Variants in JAK1 observed in about 807,000 individuals in gnomAD.
JAK1 encodes tyrosine-protein kinase JAK1.
JAK1 carries 16 observed loss-of-function variants against 136.6 expected under a neutral mutation model. That is an observed-to-expected ratio of 0.12 (90% CI 0.08 to 0.18). The LOEUF is 0.18. Ranked by LOEUF, JAK1 falls within the 10% of genes least tolerant of loss-of-function variation. JAK1 has a pLI of 1.00. For synonymous variants in JAK1, 492 were observed against 519.5 expected, an observed-to-expected ratio of 0.95 and a Z score of 0.72; for missense variants, 859 against 1,450.1, an observed-to-expected ratio of 0.59 and a Z score of 6.62.
chr1:65,039,953 A>G (rs1398619893), intron 2 of JAK1, among the ~76,000 whole-genome samples: 2 of 152,062 alleles, frequency 1.3e-5, no homozygotes, highest in African/African-American at 4.8e-5. Context: ...AGTGGCTTAC[A>G]CCTGTAATCC....
intron 1 of JAK1, among the ~76,000 whole-genome samples, chr1:65,051,125 A>T (rs925356053): frequency 1.3e-5 from 2 of 152,254 alleles, no homozygotes; most frequent in East Asian, 3.9e-4. Context: ...AACAGTAGCA[A>T]ATTTTATGCT....
intron 2 of JAK1, among the ~76,000 whole-genome samples, chr1:65,013,424 C>T (rs1026088171): frequency 1.3e-5 from 2 of 151,276 alleles, no homozygotes; most frequent in Non-Finnish European, 2.9e-5. Context: ...AAACAAAAAC[C>T]GAAACAAAAA....
chr1:64,860,826 CTGTGTG>C (rs72032330), intron 8 of JAK1, among the ~76,000 whole-genome samples: 10 of 120,646 alleles, frequency 8.3e-5, no homozygotes, highest in Admixed American at 1.8e-4. Flanking sequence ...TCAGATGACT[CTGTGTG>C]TGTGTGTGTG....
At chr1:64,932,305 T>C (rs7514369) in intron 1 of JAK1, among the ~76,000 whole-genome samples, 106,388 of 152,000 alleles carry the variant, frequency 0.7, 40,561 homozygotes, top group Middle Eastern at 0.92. Context: ...CCCAGCTACT[T>C]GGGAGGCTGA....
intron 2 of JAK1, among the ~76,000 whole-genome samples, chr1:64,996,233 C>T (rs1646702717): frequency 6.6e-6 from 1 of 152,174 alleles, no homozygotes; most frequent in African/African-American, 2.4e-5. Context: ...GATATCTGCC[C>T]TTTTCCTTCT....
upstream of JAK1, among the ~76,000 whole-genome samples, chr1:64,968,031 G>T (rs1269273706): frequency 6.6e-6 from 1 of 152,154 alleles, no homozygotes; most frequent in East Asian, 1.9e-4. Flanking sequence ...CACATGGCAT[G>T]GGCTCAGGAA....
At chr1:64,944,547 T>A (rs72922252) in intron 1 of JAK1, among the ~76,000 whole-genome samples, 1,560 of 152,230 alleles carry the variant, frequency 0.01, 30 homozygotes, top group African/African-American at 0.036. Context: ...GGTTGTTGAC[T>A]AACAAGACAA....
In JAK1 at chr1:64,926,979, A is replaced by T. The variant is rs554756204; in HGVS notation, c.-78+39354T>A. ...TAAACAAGTGCTTGCTACTGTTATC[A>T]TCATCACTGTTTCCAACCTTGTCTT... On this transcript the variant is annotated intron_variant, in intron 1 of 24. Transcript: ENST00000342505. Among the ~76,000 whole-genome samples the T allele has an allele frequency of 2.4e-4, 37 of 152,340 alleles. 1 individual carries two copies. The South Asian group carries it at 7.0e-3, about 29-fold the overall frequency.
At chr1:65,048,272 T>C (rs1462056946) in intron 1 of JAK1, among the ~76,000 whole-genome samples, 1 of 152,208 alleles carries the variant, frequency 6.6e-6, no homozygotes, top group Non-Finnish European at 1.5e-5. Flanking sequence ...TCATTTTCCC[T>C]GCATTTGACC....
At chr1:65,045,136 C>T (rs1380590522) in intron 1 of JAK1, among the ~76,000 whole-genome samples, 2 of 152,200 alleles carry the variant, frequency 1.3e-5, no homozygotes, top group African/African-American at 4.8e-5. Flanking sequence ...GTCACACTCA[C>T]CATGAGTTCT....
chr1:65,048,046 G>C (rs1020297259), intron 1 of JAK1, among the ~76,000 whole-genome samples: 6 of 152,120 alleles, frequency 3.9e-5, no homozygotes, highest in Non-Finnish European at 7.4e-5. Flanking sequence ...TTATTAAATA[G>C]GTGACGTATA....
At chr1:64,917,944 C>T (rs1375136929) in intron 1 of JAK1, among the ~76,000 whole-genome samples, 1 of 152,174 alleles carries the variant, frequency 6.6e-6, no homozygotes, top group Non-Finnish European at 1.5e-5. Flanking sequence ...CCAGACTTGA[C>T]CCAGAGTTTC....
At chr1:65,006,861 CTAAG>C (rs1328746775) in intron 2 of JAK1, among the ~76,000 whole-genome samples, 5 of 152,098 alleles carry the variant, frequency 3.3e-5, no homozygotes, top group African/African-American at 1.2e-4. Flanking sequence ...ATTTAATAAG[CTAAG>C]TAAGTTTTGT....
At position 64,937,066 on chromosome 1, in the gene JAK1, T is replaced by C. The variant is rs1227094268; in HGVS notation, c.-78+29267A>G. On this transcript the variant is annotated intron_variant, in intron 1 of 24. Transcript: ENST00000342505. ...AAAAAAAAAAAGGATCAACTATTTGTATGGGGCTAATCCTCCCCACCCCCA... is the reference window on the plus strand; with the variant it reads ...AAAAAAAAAAAGGATCAACTATTTGCATGGGGCTAATCCTCCCCACCCCCA... Among the ~76,000 whole-genome samples, 5 of 151,360 alleles carry C rather than the reference T, an allele frequency of 3.3e-5. No individual in the cohort carries two copies. In the East Asian group the frequency reaches 9.7e-4, roughly 29 times the overall value.
At chr1:64,868,010 A>AAGAG (rs139348914) in intron 6 of JAK1, among the ~76,000 whole-genome samples, 1 of 146,850 alleles carries the variant, frequency 6.8e-6, no homozygotes, top group African/African-American at 2.4e-5. Context: ...CCCCACAAAA[A>AAGAG]AGAGAGAGAG....
At chr1:64,993,522 T>G (rs1186092350) in intron 2 of JAK1, 1 of 152,272 alleles carries the variant, frequency 6.6e-6, no homozygotes, top group East Asian at 1.9e-4. Context: ...CTCCTCTCCA[T>G]GAAATTTTGT....
At chr1:64,853,236 G>T (rs1655713104) in intron 11 of JAK1, among the ~76,000 whole-genome samples, 1 of 152,184 alleles carries the variant, frequency 6.6e-6, no homozygotes, top group South Asian at 2.1e-4. Flanking sequence ...GGGGACCTAT[G>T]TAAGGAGGCC....
intron 2 of JAK1, among the ~76,000 whole-genome samples, chr1:64,975,860 T>C (rs1381848069): frequency 6.6e-6 from 1 of 152,194 alleles, no homozygotes; most frequent in Non-Finnish European, 1.5e-5. Flanking sequence ...TGAGGATGGA[T>C]TCCCCCTGTC....
chr1:65,005,858 G>C (rs1490067402), intron 2 of JAK1, among the ~76,000 whole-genome samples: 1 of 152,150 alleles, frequency 6.6e-6, no homozygotes, highest in East Asian at 1.9e-4. Flanking sequence ...AGATGGTCTT[G>C]CAGAAGAATA....
Sources: allele counts gnomAD v4.1 joint callset (sites outside exome capture counted in the v4.1 genomes callset), GRCh38; gene constraint gnomAD v4.1.1; transcripts MANE v1.5; gene names NCBI Gene and HGNC (gene_info 2026-07-23, HGNC 2026-07-21).